TAOK3: variants seen among roughly 807,000 people sequenced by gnomAD.
TAOK3 encodes TAO kinase 3, also known as serine/threonine-protein kinase TAO3.
TAOK3 carries 40 observed loss-of-function variants against 120.4 expected under a neutral mutation model. The observed-to-expected ratio is 0.33, with a 90% CI of 0.26 to 0.43. The LOEUF is 0.43. Among genes scored for constraint, TAOK3 ranks in the 20% least tolerant of loss-of-function variants. The pLI, the probability that TAOK3 is intolerant of heterozygous loss-of-function variation, is 1.00. For synonymous variants in TAOK3, 355 were observed against 387.5 expected, an observed-to-expected ratio of 0.92 and a Z score of 0.99; for missense variants, 821 against 1,112.1, an observed-to-expected ratio of 0.74 and a Z score of 3.72.
intron 9 of TAOK3, among the ~76,000 whole-genome samples, chr12:118,220,431 A>G (rs969227791): frequency 6.6e-6 from 1 of 152,132 alleles, no homozygotes; most frequent in Admixed American, 6.5e-5. Context: ...TTACAAAATT[A>G]CAAAAATGAC....
intron 9 of TAOK3, among the ~76,000 whole-genome samples, chr12:118,215,124 C>T (rs1427291899): frequency 6.6e-6 from 1 of 150,486 alleles, no homozygotes; most frequent in Non-Finnish European, 1.5e-5. Context: ...CGTGATCCAC[C>T]CGTCTTGGCC....
chr12:118,250,047 G>A (rs1268195076), intron 3 of TAOK3, among the ~76,000 whole-genome samples: 2 of 152,016 alleles, frequency 1.3e-5, no homozygotes, highest in Non-Finnish European at 2.9e-5. Flanking sequence ...ATGAACATGC[G>A]CAGTCCTTTT....
At chr12:118,250,848 G>A (rs149579092) in intron 3 of TAOK3, among the ~76,000 whole-genome samples, 1 of 152,316 alleles carries the variant, frequency 6.6e-6, no homozygotes, top group Non-Finnish European at 1.5e-5. Context: ...GAAGAAATGA[G>A]GTTTAGGCTG....
At chr12:118,276,579 G>A (rs2041909829) in intron 1 of TAOK3, among the ~76,000 whole-genome samples, 1 of 152,178 alleles carries the variant, frequency 6.6e-6, no homozygotes, top group Admixed American at 6.5e-5. Flanking sequence ...GTGGGCGCCT[G>A]TAGTCCCAGC....
At chr12:118,170,783 C>T (rs936767101) in intron 17 of TAOK3, among the ~76,000 whole-genome samples, 1 of 152,062 alleles carries the variant, frequency 6.6e-6, no homozygotes, top group South Asian at 2.1e-4. Flanking sequence ...TGTTCAGCAG[C>T]TCACAGCTCT....
At chr12:118,202,867 C>T (rs748234369) in intron 11 of TAOK3, among the ~76,000 whole-genome samples, 6 of 150,158 alleles carry the variant, frequency 4.0e-5, no homozygotes, top group Non-Finnish European at 7.4e-5. Flanking sequence ...GCAACCTCCA[C>T]CTCCTGGGTT....
At chr12:118,244,282 T>C (rs1386778591) in intron 4 of TAOK3, among the ~76,000 whole-genome samples, 1 of 151,482 alleles carries the variant, frequency 6.6e-6, no homozygotes, top group African/African-American at 2.4e-5. Context: ...AGGCTTGTCT[T>C]GAGCTCCTGG....
At chr12:118,313,779 C>A (rs115709914) in intron 1 of TAOK3, among the ~76,000 whole-genome samples, 2,168 of 152,158 alleles carry the variant, frequency 0.014, 56 homozygotes, top group African/African-American at 0.05. Context: ...TAAAGAATAA[C>A]CAGAAGAACT....
intron 1 of TAOK3, among the ~76,000 whole-genome samples, chr12:118,319,459 T>A (rs907921020): frequency 6.6e-6 from 1 of 151,994 alleles, no homozygotes; most frequent in Non-Finnish European, 1.5e-5. Flanking sequence ...CTACAACATA[T>A]AAAGAACTGC....
At chr12:118,153,209 C>A (rs968537036) in intron 19 of TAOK3, among the ~76,000 whole-genome samples, 1 of 152,166 alleles carries the variant, frequency 6.6e-6, no homozygotes, top group Non-Finnish European at 1.5e-5. Context: ...GCATTCAATA[C>A]TAGCTTGGGA....
chr12:118,166,845 C>T (rs201739889), intron 17 of TAOK3, among the ~76,000 whole-genome samples: 6,935 of 123,438 alleles, frequency 0.056, 310 homozygotes, highest in East Asian at 0.21. Context: ...CACACACACA[C>T]ATACACACAC....
intron 1 of TAOK3, among the ~76,000 whole-genome samples, chr12:118,350,867 A>T (rs1324685322): frequency 2.7e-5 from 4 of 148,076 alleles, no homozygotes; most frequent in Non-Finnish European, 6.0e-5. Context: ...TCTCAAAAAA[A>T]AAAAAAAGAA....
chr12:118,362,694 C>G (rs1054907564), intron 1 of TAOK3, among the ~76,000 whole-genome samples: 30 of 152,122 alleles, frequency 2.0e-4, no homozygotes, highest in Non-Finnish European at 4.1e-4. Flanking sequence ...AAATGACAAT[C>G]TTATTTCAAT....
intron 9 of TAOK3, among the ~76,000 whole-genome samples, chr12:118,229,000 C>T (rs1240056596): frequency 6.6e-6 from 1 of 152,124 alleles, no homozygotes; most frequent in Non-Finnish European, 1.5e-5. Flanking sequence ...TGGCTCACTG[C>T]GGCCTTGACT....
intron 3 of TAOK3, among the ~76,000 whole-genome samples, chr12:118,247,762 G>A (rs191402642): frequency 3.4e-3 from 515 of 152,216 alleles, no homozygotes; most frequent in Admixed American, 7.9e-3. Context: ...TAATCCGCCC[G>A]CATCAGCCTC....
chr12:118,290,289 G>A (rs1395794677), intron 1 of TAOK3, among the ~76,000 whole-genome samples: 1 of 152,142 alleles, frequency 6.6e-6, no homozygotes, highest in Non-Finnish European at 1.5e-5. Flanking sequence ...CACACTGGAT[G>A]CCTCAGCTAT....
chr12:118,170,026 C>T (rs769355276), intron 17 of TAOK3, among the ~76,000 whole-genome samples: 81 of 152,092 alleles, frequency 5.3e-4, no homozygotes, highest in Non-Finnish European at 8.7e-4. Context: ...CGGCCTCTCT[C>T]GTATCTTAGT....
intron 9 of TAOK3, among the ~76,000 whole-genome samples, chr12:118,225,658 C>T (rs1270756966): frequency 2.6e-5 from 4 of 152,046 alleles, no homozygotes; most frequent in Non-Finnish European, 4.4e-5. Context: ...ATATTCACCA[C>T]GATTTTATAA....
chr12:118,251,283 T>G (rs2040739830), intron 3 of TAOK3, among the ~76,000 whole-genome samples: 1 of 152,154 alleles, frequency 6.6e-6, no homozygotes, highest in Non-Finnish European at 1.5e-5. Flanking sequence ...AAGAAGCAAC[T>G]TATATAAATA....
Sources: allele counts gnomAD v4.1 joint callset (sites outside exome capture counted in the v4.1 genomes callset), GRCh38; gene constraint gnomAD v4.1.1; transcripts MANE v1.5; gene names NCBI Gene and HGNC (gene_info 2026-07-23, HGNC 2026-07-21).